Variants in PRDM11 observed in about 807,000 individuals in gnomAD.
PRDM11 encodes the protein PR/SET domain 11.
Under a neutral mutation model 97.8 loss-of-function variants are expected in PRDM11, and 20 were observed. The observed-to-expected ratio is 0.20, with a 90% CI of 0.14 to 0.30. The LOEUF (loss-of-function observed/expected upper bound fraction) is 0.30. Among genes scored for constraint, PRDM11 ranks in the 10% least tolerant of loss-of-function variants. The pLI is 1.00. For missense variants in PRDM11, 1,139 were observed against 1,555.2 expected, an observed-to-expected ratio of 0.73 and a Z score of 4.50; for synonymous variants, 599 against 637.7, an observed-to-expected ratio of 0.94 and a Z score of 0.91.
In PRDM11 at chr11:45,224,479, C is replaced by T. The variant is rs1280242320; in HGVS notation, c.1005C>T (p.Pro335=). The T allele has an allele frequency of 6.2e-7, 1 of 1,614,184 alleles. No individual in the cohort carries two copies. Among genetic ancestry groups the T allele is most frequent in the South Asian group, 1.1e-5 (1 of 91,080 alleles). The part of the protein sequence containing the change: ...LSTSLVIRKV[P]KYQDDAYSQC... ...CCTCACTGGTCATCAGGAAAGTCCC[C>T]AAATACCAGGATGACGCCTACAGTC... Residue 335 remains proline, a synonymous_variant, in exon 7 of 8, where the codon CCC becomes CCT. Coordinates refer to ENST00000683152, the MANE Select transcript of PRDM11 (RefSeq NM_001384648.1).
At chr11:45,225,608 G>A (rs912132252) in intron 7 of PRDM11, among the ~76,000 whole-genome samples, 1 of 152,224 alleles carries the variant, frequency 6.6e-6, no homozygotes, top group Non-Finnish European at 1.5e-5. Flanking sequence ...AAGGGCAAAT[G>A]AATCCCAAGT....
chr11:45,121,071 A>G (rs1049616623), intron 1 of PRDM11, among the ~76,000 whole-genome samples: 4 of 152,194 alleles, frequency 2.6e-5, no homozygotes, highest in African/African-American at 9.6e-5. Flanking sequence ...AAAATAGTCG[A>G]TAAGTCAAGA....
In PRDM11 at chr11:45,182,957, A is replaced by G. The variant is rs1446469466; in HGVS notation, c.320A>G (p.Asp107Gly). ...SDTPVPVGIPDRAALTIPQGM... is the reference protein window; with the variant it reads ...SDTPVPVGIPGRAALTIPQGM... ...ACACCGGTGCCCGTGGGCATCCCAG[A>G]CCGGGCGGCGCTCACCATCCCACAG... Residue 107 changes from aspartate to glycine, a missense_variant, in exon 4 of 8, where the codon GAC becomes GGC. By Grantham distance (94) the Asp-to-Gly change is moderately conservative (BLOSUM62 -1). Coordinates refer to ENST00000683152, the MANE Select transcript of PRDM11 (RefSeq NM_001384648.1). The G allele has an allele frequency of 6.2e-7, 1 of 1,613,934 alleles. No homozygotes were observed. Among genetic ancestry groups the G allele is most frequent in the South Asian group, 1.1e-5 (1 of 91,076 alleles).
chr11:45,193,685 G>A (rs1852993217), intron 4 of PRDM11, among the ~76,000 whole-genome samples: 1 of 152,198 alleles, frequency 6.6e-6, no homozygotes, highest in Non-Finnish European at 1.5e-5. Context: ...TGCAGAAACA[G>A]GTGGTGGGCT....
At chr11:45,201,505 T>C (rs1406740855) in intron 4 of PRDM11, among the ~76,000 whole-genome samples, 2 of 152,126 alleles carry the variant, frequency 1.3e-5, no homozygotes, top group African/African-American at 4.8e-5. Context: ...TCTTTTCTTT[T>C]CTTTTAGAAA....
intron 4 of PRDM11, among the ~76,000 whole-genome samples, chr11:45,199,229 C>G (rs1219131607): frequency 6.6e-6 from 1 of 152,160 alleles, no homozygotes; most frequent in Non-Finnish European, 1.5e-5. Context: ...CAGATTTCCA[C>G]TGAGTGAGGA....
At chr11:45,193,385 G>A (rs1852984426) in intron 4 of PRDM11, among the ~76,000 whole-genome samples, 1 of 152,184 alleles carries the variant, frequency 6.6e-6, no homozygotes, top group South Asian at 2.1e-4. Context: ...AACTGTTGGG[G>A]TAAAACAAGC....
At chr11:45,118,063 C>T (rs957410058) in intron 1 of PRDM11, among the ~76,000 whole-genome samples, 1 of 151,886 alleles carries the variant, frequency 6.6e-6, no homozygotes, top group African/African-American at 2.4e-5. Context: ...AACAGTGGGA[C>T]ATCCTACAAA....
chr11:45,228,527 A>G lies in PRDM11; in HGVS notation c.*368A>G, dbSNP rs534452244. ...CTCTGTCATCACCTTTAGGTAGCTC[A>G]TTTTGTTTATGTTTTCATTTGCGGG... On this transcript the variant is annotated 3_prime_UTR_variant, in exon 8 of 8. Transcript: ENST00000683152. The G allele has an allele frequency of 2.0e-5, 3 of 152,056 alleles. No homozygotes were observed. Among genetic ancestry groups the G allele is most frequent in the African/African-American group, 7.2e-5 (3 of 41,488 alleles). The allele number at this position is 152,056 out of a possible 1,614,324, so 9.4% of individuals were successfully genotyped here.
rs896076592 is a variant in PRDM11, at chr11:45,111,195, A to T, written c.96+15294A>T. On this transcript the variant is annotated intron_variant, in intron 1 of 6. Coordinates refer to the PRDM11 transcript ENST00000530656. ...TGACTTACTGTGATGGAAGATGAAG[A>T]TTTATCTTTCTTACAATCCATCCCA... Among the ~76,000 whole-genome samples the T allele has an allele frequency of 2.0e-5, 3 of 150,618 alleles. 1 individual carries two copies. Among genetic ancestry groups the T allele is most frequent in the African/African-American group, 7.3e-5 (3 of 41,262 alleles).
rs150543441 is a variant in PRDM11, at chr11:45,099,077, G to A, written c.96+3176G>A. Among the ~76,000 whole-genome samples the A allele has an allele frequency of 3.7e-3, 571 of 152,294 alleles. 5 individuals carry two copies. The highest frequency in any genetic ancestry group is 5.8e-3 in the Non-Finnish European group (394 of 68,018). The stretch of plus-strand genomic sequence containing the variant: ...GGGCTACTGCAGGAAGCCAGCTGAG[G>A]GAGGGAGGGAAGGCTAGACTGGGGC... On this transcript the variant is annotated intron_variant, in intron 1 of 6. Coordinates refer to the PRDM11 transcript ENST00000530656.
chr11:45,180,330 G>T (rs1374588361), intron 1 of PRDM11, among the ~76,000 whole-genome samples: 2 of 152,146 alleles, frequency 1.3e-5, no homozygotes, highest in African/African-American at 4.8e-5. Flanking sequence ...GCGGCTGAGC[G>T]AGCGGGTGTC....
At chr11:45,198,008 C>G (rs1373821386) in intron 4 of PRDM11, among the ~76,000 whole-genome samples, 1 of 152,062 alleles carries the variant, frequency 6.6e-6, no homozygotes, top group African/African-American at 2.4e-5. Context: ...TACCCTAGAA[C>G]TTAAAGTATA....
At chr11:45,124,875 C>T (rs932653450) in intron 1 of PRDM11, among the ~76,000 whole-genome samples, 5 of 152,178 alleles carry the variant, frequency 3.3e-5, no homozygotes, top group African/African-American at 9.7e-5. Flanking sequence ...GGGAGGATTC[C>T]TTCTTTTTCT....
At chr11:45,191,431 G>A (rs1450958749) in intron 4 of PRDM11, among the ~76,000 whole-genome samples, 2 of 151,982 alleles carry the variant, frequency 1.3e-5, no homozygotes, top group African/African-American at 2.4e-5. Context: ...ACATTCTTCT[G>A]TTTAAAAAAG....
At chr11:45,224,961 G>A (rs1014174956) in intron 7 of PRDM11, 118 bp downstream of exon 7, 2 of 1,561,098 alleles carry the variant, frequency 1.3e-6, no homozygotes, top group Non-Finnish European at 1.7e-6. Context: ...AGTGTAACGT[G>A]GAGGCGGCTA....
chr11:45,161,772 C>T lies in PRDM11; in HGVS notation c.-7+14895C>T, dbSNP rs563267066. The stretch of plus-strand genomic sequence containing the variant: ...TCTGTTTGCTGTTTTCCTCACACCC[C>T]CCTTTCAGGCTCCAAACCACACTGA... On this transcript the variant is annotated intron_variant, in intron 1 of 7. Transcript: ENST00000683152. Among the ~76,000 whole-genome samples, 5 of 152,374 alleles carry T rather than the reference C, an allele frequency of 3.3e-5. No homozygotes were observed. The South Asian group carries it at 1.0e-3, about 32-fold the overall frequency.
intron 1 of PRDM11, among the ~76,000 whole-genome samples, chr11:45,179,558 T>C (rs1302573762): frequency 6.6e-6 from 1 of 152,214 alleles, no homozygotes; most frequent in Non-Finnish European, 1.5e-5. Context: ...AAGATCAGAA[T>C]GCCAGCCTAT....
intron 1 of PRDM11, among the ~76,000 whole-genome samples, chr11:45,180,691 A>AGGGCCGGGC (rs1428168372): frequency 1.3e-5 from 2 of 149,608 alleles, no homozygotes; most frequent in African/African-American, 4.9e-5. Flanking sequence ...GGCGCTGGGC[A>AGGGCCGGGC]GGGCCGGGCG....
Sources: allele counts gnomAD v4.1 joint callset (sites outside exome capture counted in the v4.1 genomes callset), GRCh38; gene constraint gnomAD v4.1.1; transcripts MANE v1.5; gene names NCBI Gene and HGNC (gene_info 2026-07-23, HGNC 2026-07-21).